KCNMB2: variants seen among roughly 807,000 people sequenced by gnomAD.
The protein encoded by KCNMB2 is calcium-activated potassium channel subunit beta-2.
Under a neutral mutation model 24.5 loss-of-function variants are expected in KCNMB2, and 9 were observed. The observed-to-expected ratio is 0.37, with a 90% CI of 0.22 to 0.64. The LOEUF (loss-of-function observed/expected upper bound fraction) is 0.64. KCNMB2 is among the 30% of genes least tolerant of loss of function. KCNMB2 has a pLI of 0.63. For synonymous variants in KCNMB2, 109 were observed against 104.4 expected (o/e 1.04, Z -0.27); for missense variants, 226 against 284.3 (o/e 0.79, Z 1.47).
intron 1 of KCNMB2, among the ~76,000 whole-genome samples, chr3:178,571,672 C>T (rs4088590): frequency 0.52 from 79,079 of 151,080 alleles, 22,005 homozygotes; most frequent in African/African-American, 0.73. Flanking sequence ...TCCTAATGCT[C>T]TCCCTCCCCT....
chr3:178,820,249 T>C (rs115166211), intron 2 of KCNMB2, among the ~76,000 whole-genome samples: 1,746 of 152,370 alleles, frequency 0.011, 13 homozygotes, highest in Middle Eastern at 0.068. Context: ...ACTGATCCTT[T>C]AGCAAGTTGG....
intron 1 of KCNMB2, among the ~76,000 whole-genome samples, chr3:178,803,393 G>C (rs1713847264): frequency 6.6e-6 from 1 of 152,230 alleles, no homozygotes; most frequent in Non-Finnish European, 1.5e-5. Context: ...AAGAAGTAGA[G>C]AGTAAGAAGA....
chr3:178,636,147 T>C (rs13095759), intron 1 of KCNMB2, among the ~76,000 whole-genome samples: 19,988 of 152,222 alleles, frequency 0.13, 1,531 homozygotes, highest in Middle Eastern at 0.25. Context: ...GTTTGGTTTC[T>C]TCCAAATTTT....
chr3:178,786,101 C>A (rs779372639), intron 1 of KCNMB2, among the ~76,000 whole-genome samples: 3 of 152,100 alleles, frequency 2.0e-5, no homozygotes, highest in Non-Finnish European at 4.4e-5. Flanking sequence ...TCAAAGGAAG[C>A]TTTGTCCTAT....
chr3:178,558,961 G>A (rs1716218759), intron 1 of KCNMB2: 1 of 152,268 alleles, frequency 6.6e-6, no homozygotes, highest in East Asian at 1.9e-4. Context: ...GGCGAGTGGT[G>A]TGAGAGGGCA....
intron 1 of KCNMB2, among the ~76,000 whole-genome samples, chr3:178,754,163 T>TAGAG (rs1553773731): frequency 9.8e-6 from 1 of 102,356 alleles, no homozygotes; most frequent in African/African-American, 5.7e-5. Flanking sequence ...TATATATATA[T>TAGAG]ATATATATAT....
chr3:178,825,529 C>A, intron 2 of KCNMB2, 59 bp from the exon 3 acceptor site: 2 of 1,478,588 alleles, frequency 1.4e-6, no homozygotes, highest in South Asian at 1.2e-5. Flanking sequence ...CTGACCTGCT[C>A]TCTAGGGGCA....
intron 1 of KCNMB2, among the ~76,000 whole-genome samples, chr3:178,651,555 A>T (rs1422049178): frequency 6.6e-6 from 1 of 152,222 alleles, no homozygotes; most frequent in Non-Finnish European, 1.5e-5. Context: ...TCTTCACAGA[A>T]TTAGAAAAAA....
At chr3:178,808,950 A>T (rs1025587741) in intron 2 of KCNMB2, among the ~76,000 whole-genome samples, 1 of 152,198 alleles carries the variant, frequency 6.6e-6, no homozygotes, top group Non-Finnish European at 1.5e-5. Flanking sequence ...GTCAGCATTT[A>T]AAAAACAAGT....
intron 1 of KCNMB2, among the ~76,000 whole-genome samples, chr3:178,748,768 A>G (rs1723750149): frequency 6.6e-6 from 1 of 152,214 alleles, no homozygotes; most frequent in African/African-American, 2.4e-5. Context: ...GTACCCCCAG[A>G]TACCTTAGAA....
At chr3:178,779,593 CT>C (rs1577181212) in intron 1 of KCNMB2, among the ~76,000 whole-genome samples, 2 of 152,176 alleles carry the variant, frequency 1.3e-5, no homozygotes, top group East Asian at 3.8e-4. Flanking sequence ...TAAGGCTCCA[CT>C]TTGTAGTGTA....
At chr3:178,678,451 A>G (rs1174228668) in intron 1 of KCNMB2, among the ~76,000 whole-genome samples, 2 of 152,242 alleles carry the variant, frequency 1.3e-5, no homozygotes. Context: ...AGACATAAAA[A>G]TAAGAGGAAG....
intron 4 of KCNMB2, among the ~76,000 whole-genome samples, chr3:178,837,410 A>T (rs1052078369): frequency 1.3e-5 from 2 of 152,218 alleles, no homozygotes; most frequent in African/African-American, 4.8e-5. Context: ...CTACAGTCAC[A>T]CAGTAACCAG....
chr3:178,727,732 A>C (rs1188978640), intron 1 of KCNMB2, among the ~76,000 whole-genome samples: 3 of 152,190 alleles, frequency 2.0e-5, no homozygotes, highest in African/African-American at 7.2e-5. Context: ...CTAGGAAGGA[A>C]TGCATCACTG....
chr3:178,603,341 G>C (rs1218276792), intron 1 of KCNMB2, among the ~76,000 whole-genome samples: 1 of 152,136 alleles, frequency 6.6e-6, no homozygotes, highest in Non-Finnish European at 1.5e-5. Flanking sequence ...AGAGACACAG[G>C]TCAGGGATCT....
intron 1 of KCNMB2, among the ~76,000 whole-genome samples, chr3:178,637,630 G>T (rs180698830): frequency 4.8e-4 from 73 of 152,254 alleles, no homozygotes; most frequent in Admixed American, 1.4e-3. Flanking sequence ...GAATGTAAAT[G>T]GTCTAACACA....
chr3:178,623,040 A>C (rs1718979076), intron 1 of KCNMB2, among the ~76,000 whole-genome samples: 1 of 152,254 alleles, frequency 6.6e-6, no homozygotes, highest in African/African-American at 2.4e-5. Context: ...AGTCTAAGTG[A>C]ATAGCAAATA....
intron 1 of KCNMB2, among the ~76,000 whole-genome samples, chr3:178,552,186 A>C (rs1370020848): frequency 2.0e-5 from 3 of 152,236 alleles, no homozygotes; most frequent in Non-Finnish European, 4.4e-5. Flanking sequence ...CAAGGTTTAC[A>C]GATACGATTC....
chr3:178,667,733 G>T (rs7620381), intron 1 of KCNMB2, among the ~76,000 whole-genome samples: 57,750 of 151,842 alleles, frequency 0.38, 11,025 homozygotes, highest in Middle Eastern at 0.52. Flanking sequence ...CTGCTGTTTA[G>T]CCTGGCAGAC....
Sources: gnomAD v4.1 joint callset for allele counts (sites outside exome capture counted in the v4.1 genomes callset) on GRCh38, gnomAD v4.1.1 for gene constraint, MANE v1.5 for transcripts, NCBI Gene and HGNC (gene_info 2026-07-23, HGNC 2026-07-21) for gene names.